The following ARHGEF3 variants were observed in gnomAD, a reference collection of about 807,000 sequenced individuals.
ARHGEF3 encodes the protein Rho guanine nucleotide exchange factor 3.
Under a neutral mutation model 63.2 loss-of-function variants are expected in ARHGEF3, and 28 were observed. The observed-to-expected ratio is 0.44, with a 90% confidence interval of 0.33 to 0.61. The LOEUF (loss-of-function observed/expected upper bound fraction) is 0.61. Ranked by LOEUF, ARHGEF3 falls within the 20% of genes least tolerant of loss-of-function variation. The pLI is 0.03. For synonymous variants in ARHGEF3, 266 were observed against 254.2 expected (o/e 1.05, Z -0.44); for missense variants, 533 against 659.3 (o/e 0.81, Z 2.10).
chr3:56,819,429 G>C (rs918537949), intron 4 of ARHGEF3, among the ~76,000 whole-genome samples: 1 of 151,894 alleles, frequency 6.6e-6, no homozygotes, highest in Non-Finnish European at 1.5e-5. Flanking sequence ...GGTCAACCCA[G>C]CCCTGTGGAG....
rs137938439 is a variant in ARHGEF3, at chr3:57,033,692, T to A, written c.62+1396A>T. 5.6e-3 allele frequency among the ~76,000 whole-genome samples: 847 copies of A among 151,940 alleles called. 14 individuals carry two copies. The highest frequency in any genetic ancestry group is 0.02 in the African/African-American group (813 of 41,426). On this transcript the variant is annotated intron_variant, in intron 2 of 12. Coordinates refer to the ARHGEF3 transcript ENST00000338458. ...TAGGAGCTGGGAATGAAAATGGGAG[T>A]CAATGGGGATTTCATTTGTATTTTT...
intron 2 of ARHGEF3, among the ~76,000 whole-genome samples, chr3:57,014,356 C>T (rs929642293): frequency 6.6e-6 from 1 of 152,174 alleles, no homozygotes; most frequent in African/African-American, 2.4e-5. Context: ...ACAGCCTTAA[C>T]CACTACAGCA....
Position 56,842,333 on chromosome 3 carries a change from T to C in ARHGEF3, c.192+39959A>G, listed in dbSNP as rs578114891. The stretch of plus-strand genomic sequence containing the variant: ...CAGCTAGCAGATCTTTCTTGGATCT[T>C]ATTGCTTGGGACCTAGCTAATTTTG... On this transcript the variant is annotated intron_variant, in intron 4 of 12. Coordinates refer to the ARHGEF3 transcript ENST00000338458. 3.3e-5 allele frequency among the ~76,000 whole-genome samples: 5 copies of C among 152,348 alleles called. No individual in the cohort carries two copies. In the East Asian group the frequency reaches 9.6e-4, roughly 29 times the overall value.
intron 3 of ARHGEF3, among the ~76,000 whole-genome samples, chr3:56,912,667 C>T (rs75959875): frequency 0.091 from 13,778 of 152,140 alleles, 804 homozygotes; most frequent in Non-Finnish European, 0.13. Flanking sequence ...AAGTTATTAT[C>T]GTATTATATT....
chr3:57,056,384 CAAAAAAA>C (rs10666149), intron 1 of ARHGEF3, among the ~76,000 whole-genome samples: 3 of 108,352 alleles, frequency 2.8e-5, no homozygotes, highest in Non-Finnish European at 5.3e-5. Context: ...AAGACTCCAT[CAAAAAAA>C]AAAAAAAAAA....
chr3:56,888,228 G>A (rs184216233), intron 3 of ARHGEF3, among the ~76,000 whole-genome samples: 70 of 151,666 alleles, frequency 4.6e-4, no homozygotes, highest in Non-Finnish European at 6.0e-4. Context: ...CCACTCCTAC[G>A]AAAAGGAATG....
At chr3:56,989,377 G>C (rs533125686) in intron 2 of ARHGEF3, among the ~76,000 whole-genome samples, 1 of 152,258 alleles carries the variant, frequency 6.6e-6, no homozygotes, top group East Asian at 1.9e-4. Flanking sequence ...AACTTGGGGA[G>C]AGCAATCAAG....
intron 4 of ARHGEF3, among the ~76,000 whole-genome samples, chr3:56,869,543 A>C (rs575692722): frequency 6.6e-6 from 1 of 152,352 alleles, no homozygotes; most frequent in South Asian, 2.1e-4. Context: ...AATTCTATGC[A>C]TGGTAAGATC....
chr3:56,886,865 C>G (rs995532168), intron 3 of ARHGEF3, among the ~76,000 whole-genome samples: 14 of 152,142 alleles, frequency 9.2e-5, no homozygotes, highest in African/African-American at 3.4e-4. Flanking sequence ...AGTGGCAGAG[C>G]CTGGATTCAA....
chr3:56,753,638 TC>T, intron 3 of ARHGEF3, 72 bp from the exon 4 acceptor site: 1 of 1,376,998 alleles, frequency 7.3e-7, no homozygotes, highest in Non-Finnish European at 1.0e-6. Context: ...TAGTGCTGGC[TC>T]CACCACTCAA....
At chr3:57,025,829 G>A (rs565958924) in intron 2 of ARHGEF3, among the ~76,000 whole-genome samples, 15 of 152,168 alleles carry the variant, frequency 9.9e-5, no homozygotes, top group Non-Finnish European at 1.9e-4. Context: ...CACAGTGCCT[G>A]GCACACAGCC....
intron 9 of ARHGEF3, among the ~76,000 whole-genome samples, chr3:56,730,213 C>G (rs1001884632): frequency 6.6e-6 from 1 of 151,942 alleles, no homozygotes; most frequent in Non-Finnish European, 1.5e-5. Flanking sequence ...TTAAAACATG[C>G]CCATGTTTCT....
intron 4 of ARHGEF3, among the ~76,000 whole-genome samples, chr3:56,820,476 G>A (rs2133885): frequency 0.17 from 26,535 of 152,026 alleles, 2,667 homozygotes; most frequent in East Asian, 0.36. Flanking sequence ...AAAAGGGGGG[G>A]ACAGTGAGAT....
chr3:56,875,070 A>G (rs1300212021), intron 4 of ARHGEF3, among the ~76,000 whole-genome samples: 1 of 152,202 alleles, frequency 6.6e-6, no homozygotes, highest in African/African-American at 2.4e-5. Context: ...CAGATCCAAA[A>G]GCTATGGTAT....
intron 2 of ARHGEF3, among the ~76,000 whole-genome samples, chr3:57,030,724 C>T (rs1273715523): frequency 6.6e-6 from 1 of 152,212 alleles, no homozygotes; most frequent in African/African-American, 2.4e-5. Flanking sequence ...AATGCACTAT[C>T]TGTCTGCAGT....
At chr3:57,014,570 G>T in intron 2 of ARHGEF3, among the ~76,000 whole-genome samples, 1 of 152,166 alleles carries the variant, frequency 6.6e-6, no homozygotes, top group East Asian at 1.9e-4. Flanking sequence ...AGCAGAATTA[G>T]AAAACTATAT....
intron 1 of ARHGEF3, among the ~76,000 whole-genome samples, chr3:57,051,304 A>G (rs1704658332): frequency 6.6e-6 from 1 of 152,100 alleles, no homozygotes; most frequent in African/African-American, 2.4e-5. Flanking sequence ...CCTGACCAAC[A>G]TGGAGAAACC....
rs543644718 is a variant in ARHGEF3, at chr3:56,795,208, A to G, written c.96+6495T>C. Among the ~76,000 whole-genome samples, 8 of 152,314 alleles carry G rather than the reference A, an allele frequency of 5.3e-5. No individual in the cohort carries two copies. The South Asian group carries it at 1.2e-3, about 24-fold the overall frequency. ...CGAGTGGATACAGAGGGCCAACTGTATACAACCTGAAATGTTGTCCCTGGA... is the reference window on the plus strand; with the variant it reads ...CGAGTGGATACAGAGGGCCAACTGTGTACAACCTGAAATGTTGTCCCTGGA... On this transcript the variant is annotated intron_variant, in intron 1 of 9. Transcript: ENST00000296315.
chr3:56,850,251 G>C (rs1352214573), intron 4 of ARHGEF3, among the ~76,000 whole-genome samples: 2 of 152,208 alleles, frequency 1.3e-5, no homozygotes, highest in African/African-American at 4.8e-5. Flanking sequence ...ATTTGGGTCT[G>C]GACACGGTGG....
Sources: allele counts gnomAD v4.1 joint callset (sites outside exome capture counted in the v4.1 genomes callset), GRCh38; gene constraint gnomAD v4.1.1; transcripts MANE v1.5; gene names NCBI Gene and HGNC (gene_info 2026-07-23, HGNC 2026-07-21).